PTPRC: variants seen among roughly 807,000 people sequenced by gnomAD.
PTPRC encodes the protein receptor-type tyrosine-protein phosphatase C.
In PTPRC, 44 loss-of-function variants were observed where a neutral mutation model predicts 155.9. The ratio of observed to expected loss-of-function variants is 0.28; its 90% CI spans 0.22 to 0.36. The LOEUF (loss-of-function observed/expected upper bound fraction) is 0.36, where lower values mean the gene tolerates loss of function less well. PTPRC is among the 10% of genes least tolerant of loss of function. The probability of loss-of-function intolerance (pLI) is 1.00; values close to 1 mark genes in which losing one functional copy is unlikely to be tolerated. For missense variants in PTPRC, 1,401 were observed against 1,564.6 expected (o/e 0.90, Z 1.76); for synonymous variants, 525 against 533.1 (o/e 0.98, Z 0.21).
chr1:198,668,111 T>C (rs1557981805), intron 2 of PTPRC, among the ~76,000 whole-genome samples: 1 of 152,166 alleles, frequency 6.6e-6, no homozygotes, highest in Non-Finnish European at 1.5e-5. Context: ...AAATAAACAT[T>C]GGACAACCAG....
chr1:198,708,092 A>T (rs1416622540), intron 9 of PTPRC, 41 bp from the exon 10 acceptor site: 1 of 1,555,170 alleles, frequency 6.4e-7, no homozygotes, highest in Admixed American at 1.7e-5. Flanking sequence ...GATACACATT[A>T]TGAAATACTA....
At chr1:198,754,606 A>G (rs1223976615) in intron 32 of PTPRC, 1 of 656,174 alleles carries the variant, frequency 1.5e-6, no homozygotes, top group East Asian at 2.8e-5. Flanking sequence ...AAGTCTAAAT[A>G]AGAGCCTAAA....
intron 15 of PTPRC, among the ~76,000 whole-genome samples, chr1:198,723,348 A>G (rs1260005698): frequency 6.6e-6 from 1 of 152,240 alleles, no homozygotes; most frequent in Non-Finnish European, 1.5e-5. Context: ...TATGTTACAT[A>G]TGCACATATG....
intron 11 of PTPRC, among the ~76,000 whole-genome samples, chr1:198,711,790 A>C (rs1170529991): frequency 6.6e-6 from 1 of 152,244 alleles, no homozygotes; most frequent in Admixed American, 6.5e-5. Context: ...AAACAGCTCA[A>C]TTGAAAATGG....
intron 15 of PTPRC, among the ~76,000 whole-genome samples, chr1:198,726,568 C>T (rs1018591810): frequency 2.0e-5 from 3 of 152,278 alleles, no homozygotes; most frequent in Middle Eastern, 3.4e-3. Context: ...TGAATTCAAG[C>T]TCAGGTCTTA....
intron 2 of PTPRC, chr1:198,679,966 T>C (rs1028656516): frequency 1.6e-6 from 1 of 625,280 alleles, no homozygotes; most frequent in Non-Finnish European, 2.9e-6. Flanking sequence ...GTAGGCGACA[T>C]GCAGCGAGTG....
chr1:198,669,286 A>G (rs1664510654), intron 2 of PTPRC, among the ~76,000 whole-genome samples: 1 of 152,110 alleles, frequency 6.6e-6, no homozygotes, highest in Non-Finnish European at 1.5e-5. Flanking sequence ...TTCCTGCATA[A>G]GGCTCTTTAT....
intron 2 of PTPRC, among the ~76,000 whole-genome samples, chr1:198,660,207 T>A (rs72738024): frequency 1.3e-5 from 2 of 151,564 alleles, no homozygotes; most frequent in Non-Finnish European, 2.9e-5. Context: ...ATTGTATGAG[T>A]TTCCTTTCAC....
intron 2 of PTPRC, chr1:198,679,362 A>G (rs1665156682): frequency 6.7e-6 from 1 of 148,210 alleles, no homozygotes; most frequent in African/African-American, 2.5e-5. Context: ...CCTCCCGAGT[A>G]GCTGGGACTA....
chr1:198,725,441 A>T (rs1654089216), intron 15 of PTPRC, among the ~76,000 whole-genome samples: 1 of 152,164 alleles, frequency 6.6e-6, no homozygotes, highest in South Asian at 2.1e-4. Flanking sequence ...ATCACCAAAA[A>T]CTAATTAATC....
At chr1:198,680,433 A>G (rs185456409) in intron 2 of PTPRC, among the ~76,000 whole-genome samples, 708 of 149,940 alleles carry the variant, frequency 4.7e-3, no homozygotes, top group Non-Finnish European at 8.0e-3. Flanking sequence ...AGCCTGGGCC[A>G]CAGAGCAAAA....
chr1:198,725,697 C>G (rs1571873224), intron 15 of PTPRC, among the ~76,000 whole-genome samples: 1 of 152,108 alleles, frequency 6.6e-6, no homozygotes, highest in East Asian at 1.9e-4. Flanking sequence ...AGTATTTTTT[C>G]AAGAAGATAT....
At chr1:198,747,688 A>G (rs942637383) in intron 26 of PTPRC, among the ~76,000 whole-genome samples, 1 of 151,934 alleles carries the variant, frequency 6.6e-6, no homozygotes, top group East Asian at 1.9e-4. Flanking sequence ...GTGTAAACAA[A>G]TTAAGAATGA....
At chr1:198,679,778 C>A in intron 2 of PTPRC, 3 of 477,960 alleles carry the variant, frequency 6.3e-6, no homozygotes, top group Non-Finnish European at 1.1e-5. Context: ...TTCATGTTGA[C>A]CACCAGGAAA....
chr1:198,737,943 G>T (rs1296173085), intron 23 of PTPRC, among the ~76,000 whole-genome samples: 2 of 151,512 alleles, frequency 1.3e-5, no homozygotes, highest in Non-Finnish European at 3.0e-5. Context: ...TTACTTTCTT[G>T]ATTTCTTTTT....
At chr1:198,662,243 G>A (rs1664008650) in intron 2 of PTPRC, among the ~76,000 whole-genome samples, 1 of 152,118 alleles carries the variant, frequency 6.6e-6, no homozygotes, top group Non-Finnish European at 1.5e-5. Context: ...TATGTTTAAT[G>A]CATACATTTA....
At chr1:198,691,871 A>C (rs1665945485) in intron 2 of PTPRC, among the ~76,000 whole-genome samples, 1 of 152,002 alleles carries the variant, frequency 6.6e-6, no homozygotes, top group Non-Finnish European at 1.5e-5. Flanking sequence ...CACTGTATTG[A>C]TTGATTGTTT....
chr1:198,667,576 C>T (rs1015160775), intron 2 of PTPRC, among the ~76,000 whole-genome samples: 2 of 152,216 alleles, frequency 1.3e-5, no homozygotes, highest in Non-Finnish European at 2.9e-5. Flanking sequence ...AGGTGGCACT[C>T]ATCCATTCAT....
At chr1:198,722,369 T>G in intron 14 of PTPRC, 47 bp from the exon 15 acceptor site, 1 of 954,988 alleles carries the variant, frequency 1.0e-6, no homozygotes, top group Admixed American at 2.6e-5. Flanking sequence ...TATATATAAA[T>G]TCACATTAGC....
Sources: allele counts gnomAD v4.1 joint callset (sites outside exome capture counted in the v4.1 genomes callset), GRCh38; gene constraint gnomAD v4.1.1; transcripts MANE v1.5; gene names NCBI Gene and HGNC (gene_info 2026-07-23, HGNC 2026-07-21).